The following FLVCR2 variants were observed in gnomAD, a reference collection of about 807,000 sequenced individuals.
FLVCR2 encodes FLVCR choline and putative heme transporter 2, also known as choline/ethanolamine transporter FLVCR2.
In FLVCR2, 38 loss-of-function variants were observed where a neutral mutation model predicts 48.9. The ratio of observed to expected loss-of-function variants is 0.78; its 90% CI spans 0.60 to 1.02. The LOEUF (loss-of-function observed/expected upper bound fraction) is 1.02. Among genes scored for constraint, FLVCR2 ranks in the 50% least tolerant of loss-of-function variants. FLVCR2 has a pLI of 0.00. For synonymous variants in FLVCR2, 255 were observed against 257.0 expected, an observed-to-expected ratio of 0.99 and a Z score of 0.07; for missense variants, 664 against 663.3, an observed-to-expected ratio of 1.00 and a Z score of -0.01.
intron 1 of FLVCR2, among the ~76,000 whole-genome samples, chr14:75,590,536 C>T (rs1276048985): frequency 2.0e-5 from 3 of 152,202 alleles, no homozygotes; most frequent in African/African-American, 7.2e-5. Flanking sequence ...GAATTGCAGT[C>T]CCCAGTATTG....
intron 1 of FLVCR2, among the ~76,000 whole-genome samples, chr14:75,585,770 G>A (rs1032497668): frequency 2.0e-5 from 3 of 152,218 alleles, no homozygotes; most frequent in African/African-American, 7.2e-5. Context: ...CATGACCGGT[G>A]CCGGAGTTTT....
At chr14:75,609,197 A>G (rs1889374210) in intron 1 of FLVCR2, among the ~76,000 whole-genome samples, 1 of 152,160 alleles carries the variant, frequency 6.6e-6, no homozygotes, top group Non-Finnish European at 1.5e-5. Context: ...TGGGAAAGGG[A>G]AGGTCCCTGT....
chr14:75,611,888 T>C (rs1369500293), intron 1 of FLVCR2, among the ~76,000 whole-genome samples: 14 of 152,200 alleles, frequency 9.2e-5, no homozygotes, highest in Non-Finnish European at 1.9e-4. Flanking sequence ...AGACACTCAG[T>C]ACATATTCAC....
At chr14:75,624,849 G>A in intron 3 of FLVCR2, 97 bp downstream of exon 3, 1 of 1,465,292 alleles carries the variant, frequency 6.8e-7, no homozygotes, top group Non-Finnish European at 9.5e-7. Flanking sequence ...AATCCCAAAT[G>A]TGCATGTAAA....
intron 1 of FLVCR2, among the ~76,000 whole-genome samples, chr14:75,581,701 C>G (rs11844793): frequency 6.6e-6 from 1 of 152,148 alleles, no homozygotes; most frequent in Non-Finnish European, 1.5e-5. Flanking sequence ...TTTCCTGACT[C>G]GGGGCATGTG....
intron 2 of FLVCR2, among the ~76,000 whole-genome samples, chr14:75,623,761 A>G (rs1055359876): frequency 6.6e-5 from 10 of 152,110 alleles, no homozygotes; most frequent in African/African-American, 2.4e-4. Flanking sequence ...TTAAAAAAAA[A>G]TAATCAGGGC....
chr14:75,620,161 A>G (rs1889727710), intron 1 of FLVCR2, among the ~76,000 whole-genome samples: 1 of 152,122 alleles, frequency 6.6e-6, no homozygotes, highest in Admixed American at 6.6e-5. Context: ...AGAAGGTTGC[A>G]TTTGCCCCTC....
intron 5 of FLVCR2, among the ~76,000 whole-genome samples, chr14:75,637,878 G>C (rs1046069380): frequency 1.3e-5 from 2 of 152,084 alleles, no homozygotes; most frequent in Non-Finnish European, 2.9e-5. Flanking sequence ...AATTGCAGGA[G>C]TCGGGGCTGC....
intron 1 of FLVCR2, among the ~76,000 whole-genome samples, chr14:75,595,375 G>A (rs974041889): frequency 3.9e-5 from 6 of 152,206 alleles, no homozygotes; most frequent in East Asian, 1.9e-4. Flanking sequence ...AGCAGATAAC[G>A]AAAGGCTCTA....
intron 3 of FLVCR2, among the ~76,000 whole-genome samples, chr14:75,631,197 C>G (rs12100928): frequency 1.3e-5 from 2 of 152,194 alleles, no homozygotes; most frequent in Non-Finnish European, 2.9e-5. Flanking sequence ...TCCCTCTCGC[C>G]GCCCTTTAGC....
chr14:75,632,763 G>A (rs1890076834), intron 3 of FLVCR2: 1 of 702,286 alleles, frequency 1.4e-6, no homozygotes, highest in Admixed American at 2.0e-5. Context: ...GACCCCCGGT[G>A]GGCATTATGG....
chr14:75,597,719 G>A (rs1205975452), intron 1 of FLVCR2, among the ~76,000 whole-genome samples: 10 of 151,996 alleles, frequency 6.6e-5, no homozygotes, highest in South Asian at 4.2e-4. Context: ...ACAGGTGCCC[G>A]CCACCACGTC....
chr14:75,627,351 T>A, intron 3 of FLVCR2, among the ~76,000 whole-genome samples: 1 of 149,724 alleles, frequency 6.7e-6, no homozygotes, highest in East Asian at 1.9e-4. Context: ...ATGAATTTTT[T>A]CAGAACTTTT....
intron 5 of FLVCR2, among the ~76,000 whole-genome samples, chr14:75,635,814 G>A (rs969753240): frequency 6.6e-6 from 1 of 151,998 alleles, no homozygotes; most frequent in Non-Finnish European, 1.5e-5. Context: ...CTGTGAACTG[G>A]GTTCACGCCA....
chr14:75,620,266 A>T (rs1269557919), intron 1 of FLVCR2, among the ~76,000 whole-genome samples: 1 of 152,208 alleles, frequency 6.6e-6, no homozygotes, highest in African/African-American at 2.4e-5. Context: ...GATCAGCTAA[A>T]GCTCCAAGGA....
chr14:75,588,275 C>T (rs1053846835), intron 1 of FLVCR2, among the ~76,000 whole-genome samples: 14 of 152,128 alleles, frequency 9.2e-5, no homozygotes, highest in African/African-American at 2.2e-4. Context: ...CTTCTTGCTG[C>T]GTCATAACAT....
At chr14:75,635,206 A>G (rs1890138218) in intron 5 of FLVCR2, among the ~76,000 whole-genome samples, 193 bp downstream of exon 5, 1 of 152,198 alleles carries the variant, frequency 6.6e-6, no homozygotes, top group South Asian at 2.1e-4. Flanking sequence ...AGATCCCCAC[A>G]GGATCTTAGG....
At chr14:75,628,123 T>A (rs1378760650) in intron 3 of FLVCR2, among the ~76,000 whole-genome samples, 1 of 135,126 alleles carries the variant, frequency 7.4e-6, no homozygotes, top group African/African-American at 2.5e-5. Flanking sequence ...ACAAAAACAA[T>A]TTTTTTTTTT....
intron 1 of FLVCR2, among the ~76,000 whole-genome samples, chr14:75,590,240 C>T (rs974147414): frequency 1.3e-5 from 2 of 152,196 alleles, no homozygotes; most frequent in African/African-American, 4.8e-5. Context: ...AGTGACAACT[C>T]ACTACTGTGA....
Sources: gnomAD v4.1 joint callset for allele counts (sites outside exome capture counted in the v4.1 genomes callset) on GRCh38, gnomAD v4.1.1 for gene constraint, MANE v1.5 for transcripts, NCBI Gene and HGNC (gene_info 2026-07-23, HGNC 2026-07-21) for gene names.